SPECC1L: variants seen among roughly 807,000 people sequenced by gnomAD.
The protein encoded by SPECC1L is sperm antigen with calponin homology and coiled-coil domains 1 like.
SPECC1L carries 40 observed loss-of-function variants against 116.8 expected under a neutral mutation model. The ratio of observed to expected loss-of-function variants is 0.34; its 90% confidence interval spans 0.27 to 0.45. The LOEUF (loss-of-function observed/expected upper bound fraction) is 0.45, where lower values mean the gene tolerates loss of function less well. SPECC1L is among the 20% of genes least tolerant of loss of function. SPECC1L has a pLI of 1.00. For synonymous variants in SPECC1L, 504 were observed against 500.6 expected (o/e 1.01, Z -0.09); for missense variants, 1,110 against 1,373.6 (o/e 0.81, Z 3.03).
intron 11 of SPECC1L, among the ~76,000 whole-genome samples, chr22:24,350,505 G>A (rs1160671219): frequency 6.6e-6 from 1 of 152,140 alleles, no homozygotes; most frequent in Non-Finnish European, 1.5e-5. Flanking sequence ...ATTACTATAT[G>A]TGTGAACTTT....
intron 2 of SPECC1L, among the ~76,000 whole-genome samples, chr22:24,288,374 G>C (rs911838092): frequency 6.6e-6 from 1 of 152,018 alleles, no homozygotes; most frequent in Non-Finnish European, 1.5e-5. Context: ...CGAAAAATGT[G>C]TACAGGAAGT....
chr22:24,300,766 G>GAT (rs1435558786), intron 2 of SPECC1L, among the ~76,000 whole-genome samples: 1 of 152,148 alleles, frequency 6.6e-6, no homozygotes, highest in African/African-American at 2.4e-5. Flanking sequence ...CAGTGATGTT[G>GAT]ATATATAGAC....
At chr22:24,289,952 C>G (rs548685020) in intron 2 of SPECC1L, among the ~76,000 whole-genome samples, 1 of 152,162 alleles carries the variant, frequency 6.6e-6, no homozygotes, top group Non-Finnish European at 1.5e-5. Flanking sequence ...CCTCATTACC[C>G]CCGGCTCTCT....
intron 10 of SPECC1L, among the ~76,000 whole-genome samples, chr22:24,340,193 G>C (rs1431903409): frequency 2.3e-5 from 3 of 130,510 alleles, no homozygotes; most frequent in Non-Finnish European, 4.6e-5. Context: ...CTGTTGCCCA[G>C]GCTGGAATGA....
chr22:24,415,029 C>A lies in SPECC1L; in HGVS notation c.*406C>A, dbSNP rs576250286. The A allele has an allele frequency of 5.1e-5, 13 of 257,318 alleles. No individual in the cohort carries two copies. The South Asian group carries it at 5.3e-4, about 11-fold the overall frequency. The allele number at this position is 257,318 out of a possible 1,614,324, so 15.9% of individuals were successfully genotyped here. On this transcript the variant is annotated 3_prime_UTR_variant, in exon 17 of 17. Coordinates refer to ENST00000314328, the MANE Select transcript of SPECC1L (RefSeq NM_015330.6). ...TGATGAAGGCTCGGCCGCGGCACTT[C>A]CTGACTATTGGCTGGGGTGGGTTCC...
At chr22:24,383,838 A>G (rs945808405) in intron 14 of SPECC1L, among the ~76,000 whole-genome samples, 1 of 75,450 alleles carries the variant, frequency 1.3e-5, no homozygotes, top group Non-Finnish European at 2.5e-5. Context: ...TTTTTAGTAG[A>G]GATGGGGTTT....
intron 2 of SPECC1L, among the ~76,000 whole-genome samples, chr22:24,297,156 G>A (rs1250505114): frequency 4.0e-5 from 6 of 150,636 alleles, no homozygotes; most frequent in Non-Finnish European, 8.9e-5. Flanking sequence ...GGCTGTTCTC[G>A]AACTCCTGAC....
At chr22:24,271,809 A>T (rs2048732929) in intron 1 of SPECC1L, among the ~76,000 whole-genome samples, 1 of 152,242 alleles carries the variant, frequency 6.6e-6, no homozygotes, top group African/African-American at 2.4e-5. Flanking sequence ...GGCGAGGAAA[A>T]GATTCCCGTG....
At chr22:24,311,158 T>C (rs1267775499) in intron 3 of SPECC1L, among the ~76,000 whole-genome samples, 1 of 152,218 alleles carries the variant, frequency 6.6e-6, no homozygotes. Context: ...AAGTTTATGA[T>C]TTGGTGCCGT....
chr22:24,394,255 G>T (rs2042325422), intron 14 of SPECC1L, among the ~76,000 whole-genome samples: 1 of 152,154 alleles, frequency 6.6e-6, no homozygotes, highest in Admixed American at 6.5e-5. Context: ...CAGGCCTAGA[G>T]GCTGGAAGTC....
rs2049395655 is a variant in SPECC1L at position 24,302,221 on chromosome 22, G to C, written c.-11G>C. The C allele has an allele frequency of 6.2e-7, 1 of 1,613,900 alleles. No homozygotes were observed. Among genetic ancestry groups the C allele is most frequent in the African/African-American group, 1.3e-5 (1 of 74,886 alleles). On this transcript the variant is annotated 5_prime_UTR_variant, in exon 3 of 17. Coordinates refer to ENST00000314328, the MANE Select transcript of SPECC1L (RefSeq NM_015330.6). The stretch of plus-strand genomic sequence containing the variant: ...TTTGCTTGTAAATGCATCACGAAGA[G>C]GCAGCCCAGAATGAAGAAAGCAAGC...
At chr22:24,285,992 A>C (rs1022321971) in intron 2 of SPECC1L, among the ~76,000 whole-genome samples, 1 of 152,236 alleles carries the variant, frequency 6.6e-6, no homozygotes, top group African/African-American at 2.4e-5. Context: ...AAGTCCTTAA[A>C]AGCGATTGTT....
intron 14 of SPECC1L, among the ~76,000 whole-genome samples, chr22:24,390,136 A>T (rs1340004341): frequency 6.3e-5 from 8 of 126,054 alleles, no homozygotes; most frequent in East Asian, 2.6e-4. Context: ...CCCAACCCTT[A>T]AAAAAAAAAA....
chr22:24,366,524 T>G (rs2041769854), intron 13 of SPECC1L, among the ~76,000 whole-genome samples: 1 of 152,072 alleles, frequency 6.6e-6, no homozygotes, highest in African/African-American at 2.4e-5. Flanking sequence ...TTGAGTCACT[T>G]TGATGTAGTA....
intron 11 of SPECC1L, among the ~76,000 whole-genome samples, 196 bp downstream of exon 11, chr22:24,347,372 G>C (rs1383105180): frequency 6.6e-6 from 1 of 152,138 alleles, no homozygotes; most frequent in Non-Finnish European, 1.5e-5. Flanking sequence ...CATCTTTCCT[G>C]ACAGCTGTCA....
intron 14 of SPECC1L, among the ~76,000 whole-genome samples, chr22:24,410,906 C>A (rs766903588): frequency 6.6e-6 from 1 of 152,034 alleles, no homozygotes; most frequent in Non-Finnish European, 1.5e-5. Context: ...CATTGATTAC[C>A]GGCCAGGTGC....
At chr22:24,363,428 C>A in intron 12 of SPECC1L, 84 bp downstream of exon 12, 1 of 1,186,684 alleles carries the variant, frequency 8.4e-7, no homozygotes, top group Non-Finnish European at 1.2e-6. Context: ...TGATCTCAAA[C>A]TCCTGGCCTC....
intron 2 of SPECC1L, among the ~76,000 whole-genome samples, chr22:24,294,528 C>A (rs554355571): frequency 6.6e-6 from 1 of 151,446 alleles, no homozygotes; most frequent in South Asian, 2.1e-4. Context: ...ATTACAGGCA[C>A]GCACCACCAC....
At chr22:24,343,871 A>G (rs2041232862) in intron 10 of SPECC1L, among the ~76,000 whole-genome samples, 1 of 152,214 alleles carries the variant, frequency 6.6e-6, no homozygotes, top group Admixed American at 6.5e-5. Context: ...ATCCACAGAC[A>G]GTTGGGGGAA....
Sources: gnomAD v4.1 joint callset for allele counts (sites outside exome capture counted in the v4.1 genomes callset) on GRCh38, gnomAD v4.1.1 for gene constraint, MANE v1.5 for transcripts, NCBI Gene and HGNC (gene_info 2026-07-23, HGNC 2026-07-21) for gene names.